The following PCDH15 variants were observed in gnomAD, a reference collection of about 807,000 sequenced individuals.
PCDH15 encodes protocadherin related 15.
Under a neutral mutation model 178.5 loss-of-function variants are expected in PCDH15, and 129 were observed. That is an observed-to-expected ratio of 0.72 (90% CI 0.63 to 0.84). PCDH15 has a LOEUF of 0.84. Among genes scored for constraint, PCDH15 ranks in the 40% least tolerant of loss-of-function variants. The pLI, the probability that PCDH15 is intolerant of heterozygous loss-of-function variation, is 0.00. For synonymous variants in PCDH15, 800 were observed against 732.0 expected, an observed-to-expected ratio of 1.09 and a Z score of -1.50; for missense variants, 2,230 against 2,099.9, an observed-to-expected ratio of 1.06 and a Z score of -1.21.
intron 2 of PCDH15, among the ~76,000 whole-genome samples, chr10:55,040,016 T>A (rs890951229): frequency 6.6e-6 from 1 of 152,062 alleles, no homozygotes; most frequent in African/African-American, 2.4e-5. Context: ...AACAAATGGC[T>A]GTAAACAGAA....
At chr10:55,095,834 A>G (rs1842437240) in intron 2 of PCDH15, among the ~76,000 whole-genome samples, 1 of 152,110 alleles carries the variant, frequency 6.6e-6, no homozygotes, top group African/African-American at 2.4e-5. Context: ...TCAAATTGTA[A>G]ATACCTTGAA....
At chr10:54,849,967 T>C (rs562602239) in intron 3 of PCDH15, among the ~76,000 whole-genome samples, 79 of 152,196 alleles carry the variant, frequency 5.2e-4, no homozygotes, top group Middle Eastern at 3.4e-3. Context: ...ATAAAATAAA[T>C]GGTGGGATTG....
intron 2 of PCDH15, among the ~76,000 whole-genome samples, chr10:55,575,190 A>T (rs1014386748): frequency 6.6e-6 from 1 of 152,086 alleles, no homozygotes; most frequent in African/African-American, 2.4e-5. Context: ...TTATTAATAT[A>T]TAAAAGTGTT....
At chr10:55,258,838 G>T (rs1842076113) in intron 1 of PCDH15, among the ~76,000 whole-genome samples, 4 of 135,006 alleles carry the variant, frequency 3.0e-5, no homozygotes, top group Admixed American at 8.2e-5. Flanking sequence ...TGTTTTATCT[G>T]AGTACCTTCT....
At chr10:55,157,780 G>T (rs1838931483) in intron 2 of PCDH15, among the ~76,000 whole-genome samples, 1 of 150,356 alleles carries the variant, frequency 6.7e-6, no homozygotes, top group South Asian at 2.1e-4. Flanking sequence ...ACAGGAAGGG[G>T]TACATCACAC....
chr10:54,034,068 G>A (rs777321204), intron 18 of PCDH15, among the ~76,000 whole-genome samples: 141 of 151,960 alleles, frequency 9.3e-4, no homozygotes, highest in Middle Eastern at 6.8e-3. Flanking sequence ...AGCCAGATTG[G>A]ATTCTCTGTG....
chr10:54,029,810 T>A (rs946406261), intron 18 of PCDH15, among the ~76,000 whole-genome samples: 13 of 152,128 alleles, frequency 8.5e-5, no homozygotes, highest in African/African-American at 3.1e-4. Context: ...GTTACACAAT[T>A]CTTTCCATCC....
intron 2 of PCDH15, among the ~76,000 whole-genome samples, chr10:55,541,070 G>T (rs1166560230): frequency 2.0e-5 from 3 of 151,998 alleles, no homozygotes; most frequent in Non-Finnish European, 4.4e-5. Context: ...GAGAATGGGT[G>T]CCTGATAAAT....
At chr10:54,434,032 C>G (rs548437952) in intron 3 of PCDH15, among the ~76,000 whole-genome samples, 40 of 151,702 alleles carry the variant, frequency 2.6e-4, no homozygotes, top group South Asian at 6.3e-4. Flanking sequence ...CTTGTGTAGC[C>G]CTAGGCTAAA....
intron 29 of PCDH15, among the ~76,000 whole-genome samples, chr10:53,837,503 A>T (rs1393070883): frequency 6.6e-6 from 1 of 152,156 alleles, no homozygotes; most frequent in Non-Finnish European, 1.5e-5. Context: ...TATTTTTTCA[A>T]ATCAAAGTAA....
intron 2 of PCDH15, among the ~76,000 whole-genome samples, chr10:54,978,568 A>T (rs1393840294): frequency 6.6e-6 from 1 of 152,122 alleles, no homozygotes; most frequent in Non-Finnish European, 1.5e-5. Flanking sequence ...ACCCTTTTGT[A>T]GGGAAATTTA....
rs1491388308 is a variant in PCDH15, at chr10:54,234,130, T to TTGTGTGTGTG, written c.985+2692_985+2693insCACACACACA. ...TGAAGTCAGAGTCATGGATATCCCC[T>TTGTGTGTGTG]TCTGTGTGTGTGTGTGTGTGTGTGT... On this transcript the variant is annotated intron_variant, in intron 9 of 37. Transcript: ENST00000644397. 1.5e-3 allele frequency among the ~76,000 whole-genome samples: 159 copies of TTGTGTGTGTG among 103,196 alleles called. 1 individual carries two copies. Among genetic ancestry groups the TTGTGTGTGTG allele is most frequent in the African/African-American group, 3.9e-3 (97 of 24,992 alleles). 67.7% of individuals were successfully genotyped at this position (103,196 alleles called of 152,430 possible).
At position 55,391,653 on chromosome 10, in the gene PCDH15, A is replaced by G. The variant is rs189409855; in HGVS notation, c.-155-225002T>C. On this transcript the variant is annotated intron_variant, in intron 2 of 5. Transcript: ENST00000613346. The stretch of plus-strand genomic sequence containing the variant: ...AGGCATGCACCACCACACCCGCCTA[A>G]TTTTTTGTATATTTAGTAGAGACAA... Among the ~76,000 whole-genome samples the G allele has an allele frequency of 1.5e-3, 223 of 151,886 alleles. No homozygotes were observed. The Middle Eastern group carries it at 0.034, about 23-fold the overall frequency.
chr10:54,704,220 A>G (rs1392032929), intron 1 of PCDH15, among the ~76,000 whole-genome samples: 3 of 152,170 alleles, frequency 2.0e-5, no homozygotes, highest in African/African-American at 7.2e-5. Flanking sequence ...GCCAAAAGCA[A>G]TTGCAACCAA....
intron 3 of PCDH15, among the ~76,000 whole-genome samples, chr10:54,520,764 C>T (rs377041117): frequency 0.19 from 29,073 of 149,992 alleles, 3,363 homozygotes; most frequent in Non-Finnish European, 0.26. Flanking sequence ...CACATGCACA[C>T]GTATGTTTAT....
At chr10:55,263,887 AC>A (rs1842213476) in intron 1 of PCDH15, among the ~76,000 whole-genome samples, 1 of 151,940 alleles carries the variant, frequency 6.6e-6, no homozygotes, top group Non-Finnish European at 1.5e-5. Context: ...GGCACCTGCC[AC>A]CACGCCCGGC....
At chr10:54,178,378 T>A (rs981425284) in intron 13 of PCDH15, among the ~76,000 whole-genome samples, 6 of 152,192 alleles carry the variant, frequency 3.9e-5, no homozygotes, top group African/African-American at 1.4e-4. Context: ...AGGAAAATAA[T>A]CAGAGTGGGA....
At chr10:55,094,314 T>G (rs1842393289) in intron 2 of PCDH15, among the ~76,000 whole-genome samples, 1 of 151,840 alleles carries the variant, frequency 6.6e-6, no homozygotes, top group South Asian at 2.1e-4. Context: ...CACCGCATGT[T>G]CTCACTCATA....
chr10:54,172,728 C>T (rs995869982), intron 13 of PCDH15, among the ~76,000 whole-genome samples: 1 of 151,650 alleles, frequency 6.6e-6, no homozygotes, highest in African/African-American at 2.4e-5. Flanking sequence ...TAAGTATGAG[C>T]GTGAATATAG....
Sources: allele counts gnomAD v4.1 joint callset (sites outside exome capture counted in the v4.1 genomes callset), GRCh38; gene constraint gnomAD v4.1.1; transcripts MANE v1.5; gene names NCBI Gene and HGNC (gene_info 2026-07-23, HGNC 2026-07-21).